Variants in SARAF observed in about 807,000 individuals in gnomAD.
The protein encoded by SARAF is store-operated calcium entry-associated regulatory factor.
A neutral mutation model predicts 39.7 loss-of-function variants in SARAF; 23 were observed. The ratio of observed to expected loss-of-function variants is 0.58; its 90% CI spans 0.42 to 0.82. The LOEUF (loss-of-function observed/expected upper bound fraction) is 0.82. Ranked by LOEUF, SARAF falls within the 40% of genes least tolerant of loss-of-function variation. SARAF has a pLI of 0.00. For synonymous variants in SARAF, 175 were observed against 168.5 expected, an observed-to-expected ratio of 1.04 and a Z score of -0.30; for missense variants, 384 against 418.5, an observed-to-expected ratio of 0.92 and a Z score of 0.72.
rs780173098 is a variant in SARAF, at chr8:30,069,736, TGGA to T, written c.603_605del (p.Pro203del). 43 of 1,613,856 alleles carry T rather than the reference TGGA, an allele frequency of 2.7e-5. 3 individuals carry two copies. The South Asian group carries it at 4.0e-4, about 15-fold the overall frequency. ...AAAATGGAGGATACTCAGAGTACGG[TGGA>T]GGAGAATACTGCCCGTCACTCAGGA... On this transcript the variant is annotated inframe_deletion, in exon 3 of 6. Coordinates refer to ENST00000256255, the MANE Select transcript of SARAF (RefSeq NM_016127.6).
At chr8:30,077,964 A>AC (rs1409987273) in intron 1 of SARAF, among the ~76,000 whole-genome samples, 2 of 150,932 alleles carry the variant, frequency 1.3e-5, no homozygotes, top group Non-Finnish European at 2.9e-5. Context: ...ATATGGTGAA[A>AC]CCCCGTCTCT....
Position 30,066,136 on chromosome 8 carries a change from C to T in SARAF, c.846G>A (p.Ala282=), listed in dbSNP as rs1322879148. The T allele has an allele frequency of 2.5e-6, 4 of 1,613,618 alleles. No homozygotes were observed. The highest frequency in any genetic ancestry group is 2.2e-5 in the South Asian group (2 of 91,046). Residue 282 remains alanine (A), a synonymous_variant, in exon 5 of 6, where the codon GCG becomes GCA. Transcript: ENST00000256255. ...ILGYLFGSNR[A]ATPFSDSWYY... ...ACCACGAGTCTGAGAAGGGTGTTGC[C>T]GCTCTTTAAAGGGATAAAAGTAGGT...
chr8:30,070,409 A>G (rs917474206), intron 2 of SARAF, among the ~76,000 whole-genome samples: 6 of 147,472 alleles, frequency 4.1e-5, no homozygotes, highest in Non-Finnish European at 7.5e-5. Flanking sequence ...CCGTCTCAAG[A>G]AAAAAAAAAA....
chr8:30,076,437 C>A (rs914951372), intron 1 of SARAF, among the ~76,000 whole-genome samples: 1 of 152,186 alleles, frequency 6.6e-6, no homozygotes, highest in Non-Finnish European at 1.5e-5. Flanking sequence ...AAAAGAGCAA[C>A]CTAGGTCACC....
intron 3 of SARAF, among the ~76,000 whole-genome samples, chr8:30,068,324 T>G (rs1318985026): frequency 6.6e-6 from 1 of 152,168 alleles, no homozygotes; most frequent in Non-Finnish European, 1.5e-5. Flanking sequence ...GAACTGCACA[T>G]GCGAGGGATC....
At position 30,066,050 on chromosome 8, in the gene SARAF, TGAAGGG is replaced by T; in HGVS notation, c.926_931del (p.Pro309_Leu310del). ...TACCGAATAGCTGCCCGAGCCTCCATGAAGGGGTGAGTAAGCCCTATTCCACGTGCC... is the reference window on the plus strand; with the variant it reads ...TACCGAATAGCTGCCCGAGCCTCCATGTGAGTAAGCCCTATTCCACGTGCC... On this transcript the variant is annotated inframe_deletion, in exon 5 of 6. Transcript: ENST00000256255. 1 of 1,614,106 alleles carries T rather than the reference TGAAGGG, an allele frequency of 6.2e-7. No individual in the cohort carries two copies.
In SARAF at chr8:30,069,864, C is replaced by T. The variant is rs1321082736; in HGVS notation, c.478G>A (p.Asp160Asn). The change falls in exon 3 of 6, where the codon GAT becomes AAT. Residue 160 changes from aspartate (D) to asparagine (N), a missense_variant. Asp to Asn is a conservative substitution (Grantham distance 23). Coordinates refer to ENST00000256255, the MANE Select transcript of SARAF (RefSeq NM_016127.6). ...GKQHGFASFS[D>N]YYYKWSSADS... Reference sequence around the variant, plus strand: ...GCCGAGGACCACTTATAATAATAATCAGAGAAAGAGGCAAAGCCGTGCTGC... The same window carrying T: ...GCCGAGGACCACTTATAATAATAATTAGAGAAAGAGGCAAAGCCGTGCTGC... 1 of 1,614,012 alleles carries T rather than the reference C, an allele frequency of 6.2e-7. No individual in the cohort carries two copies. Among genetic ancestry groups the T allele is most frequent in the Non-Finnish European group, 8.5e-7 (1 of 1,180,014 alleles).
At chr8:30,077,059 A>G (rs1209356529) in intron 1 of SARAF, among the ~76,000 whole-genome samples, 3 of 152,240 alleles carry the variant, frequency 2.0e-5, no homozygotes, top group Non-Finnish European at 4.4e-5. Flanking sequence ...CCTCAGAGAG[A>G]TAAGAGAAAA....
At position 30,073,858 on chromosome 8, in the gene SARAF, T is replaced by A; in HGVS notation, c.282+19A>T. ...AATAAAAACCCCATTTAGACTGCCATTACTGTAGTGGATATTACCTGTACA... is the reference window on the plus strand; with the variant it reads ...AATAAAAACCCCATTTAGACTGCCAATACTGTAGTGGATATTACCTGTACA... On this transcript the variant is annotated intron_variant, in intron 2 of 5. Coordinates refer to ENST00000256255, the MANE Select transcript of SARAF (RefSeq NM_016127.6). 6.2e-7 allele frequency: 1 copy of A among 1,604,508 alleles called. No homozygotes were observed. The highest frequency in any genetic ancestry group is 8.5e-7 in the Non-Finnish European group (1 of 1,172,986).
chr8:30,066,504 CCTT>C (rs1436886696), intron 4 of SARAF, among the ~76,000 whole-genome samples: 1 of 152,152 alleles, frequency 6.6e-6, no homozygotes, highest in Admixed American at 6.6e-5. Context: ...TTCTTTCCTG[CCTT>C]CTTATTTTCT....
intron 1 of SARAF, among the ~76,000 whole-genome samples, chr8:30,081,671 C>G (rs1802099803): frequency 6.6e-6 from 1 of 151,534 alleles, no homozygotes; most frequent in South Asian, 2.1e-4. Flanking sequence ...CACCAAATCA[C>G]AAAGGCAATA....
Position 30,073,741 on chromosome 8 carries a change from T to G in SARAF, c.282+136A>C. ...GAGGCCATTTCTTCCACAGGAAGAG[T>G]GATTGATTTACTTACATATTTTAGG... On this transcript the variant is annotated intron_variant, in intron 2 of 5. Transcript: ENST00000256255. The G allele has an allele frequency of 3.2e-6, 2 of 633,042 alleles. 1 individual carries two copies. The highest frequency in any genetic ancestry group is 5.5e-5 in the South Asian group (2 of 36,544). The allele number at this position is 633,042 out of a possible 1,614,324, so 39.2% of individuals were successfully genotyped here. A position where few individuals can be genotyped will look rare whatever the true frequency, so the allele number is the denominator to read the frequency against.
intron 2 of SARAF, chr8:30,073,647 TAGA>T (rs1801894336): frequency 2.4e-6 from 1 of 423,342 alleles, no homozygotes; most frequent in African/African-American, 2.0e-5. Flanking sequence ...ACAAATATCT[TAGA>T]AGGAGGTCAC....
chr8:30,066,667 G>A (rs1448223664), intron 4 of SARAF, 110 bp downstream of exon 4: 9 of 1,342,026 alleles, frequency 6.7e-6, no homozygotes, highest in Non-Finnish European at 8.3e-6. Flanking sequence ...TATTTAATAG[G>A]CTAACGTCAC....
chr8:30,070,253 C>A (rs1227620295), intron 2 of SARAF, among the ~76,000 whole-genome samples, 194 bp from the exon 3 acceptor site: 2 of 151,858 alleles, frequency 1.3e-5, no homozygotes, highest in Non-Finnish European at 2.9e-5. Context: ...ATTAAAAATA[C>A]AAAAATTAGC....
At chr8:30,065,394 T>C (rs1256621357) in intron 5 of SARAF, among the ~76,000 whole-genome samples, 1 of 152,196 alleles carries the variant, frequency 6.6e-6, no homozygotes, top group East Asian at 1.9e-4. Context: ...TTAAAACATA[T>C]TTAAATATAT....
At chr8:30,080,200 T>A (rs1291231741) in intron 1 of SARAF, among the ~76,000 whole-genome samples, 3 of 152,234 alleles carry the variant, frequency 2.0e-5, no homozygotes, top group African/African-American at 7.2e-5. Context: ...GCTCCTGCCC[T>A]GGGCCAAGCG....
chr8:30,072,897 T>A (rs963371081), intron 2 of SARAF, among the ~76,000 whole-genome samples: 3 of 152,240 alleles, frequency 2.0e-5, no homozygotes, highest in Admixed American at 1.3e-4. Flanking sequence ...CTTCTACTAG[T>A]AAGACAGTTT....
intron 1 of SARAF, among the ~76,000 whole-genome samples, chr8:30,080,461 C>A (rs1204059665): frequency 6.6e-6 from 1 of 152,220 alleles, no homozygotes; most frequent in Non-Finnish European, 1.5e-5. Flanking sequence ...TCTGCCCGCA[C>A]ACCATGTCCT....
Sources: gnomAD v4.1 joint callset for allele counts (sites outside exome capture counted in the v4.1 genomes callset) on GRCh38, gnomAD v4.1.1 for gene constraint, MANE v1.5 for transcripts, NCBI Gene and HGNC (gene_info 2026-07-23, HGNC 2026-07-21) for gene names.